Variants in COL23A1 observed in about 807,000 individuals in gnomAD.
COL23A1 encodes collagen alpha-1(XXIII) chain.
COL23A1 carries 97 observed loss-of-function variants against 99.3 expected under a neutral mutation model. That is an observed-to-expected ratio of 0.98 (90% CI 0.83 to 1.16). The LOEUF is 1.16. Among genes scored for constraint, COL23A1 ranks in the 50% most tolerant of loss-of-function variants. The pLI is 0.00. For synonymous variants in COL23A1, 320 were observed against 308.2 expected (o/e 1.04, Z -0.40); for missense variants, 762 against 757.4 (o/e 1.01, Z -0.07).
At chr5:178,487,298 TTATTTA>T (rs1757689276) in intron 2 of COL23A1, among the ~76,000 whole-genome samples, 2 of 143,856 alleles carry the variant, frequency 1.4e-5, no homozygotes, top group African/African-American at 2.6e-5. Context: ...TTTTATTTAT[TTATTTA>T]TTTATTTATT....
intron 5 of COL23A1, among the ~76,000 whole-genome samples, chr5:178,277,211 A>G (rs987057277): frequency 6.6e-6 from 1 of 152,090 alleles, no homozygotes; most frequent in African/African-American, 2.4e-5. Context: ...AAAAAAAAAA[A>G]AAAAAAAGGT....
intron 2 of COL23A1, among the ~76,000 whole-genome samples, chr5:178,537,468 G>A (rs1268756513): frequency 6.6e-6 from 1 of 152,238 alleles, no homozygotes; most frequent in African/African-American, 2.4e-5. Flanking sequence ...ACCGAGGAGA[G>A]GAGAACAGTG....
chr5:178,498,643 T>G lies in COL23A1; in HGVS notation c.361+62039A>C, dbSNP rs142539184. 7.2e-3 allele frequency among the ~76,000 whole-genome samples: 1,089 copies of G among 152,250 alleles called. 5 individuals are homozygous for G. Among genetic ancestry groups the G allele is most frequent in the South Asian group, 0.026 (124 of 4,818 alleles). On this transcript the variant is annotated intron_variant, in intron 2 of 28. Coordinates refer to ENST00000390654, the MANE Select transcript of COL23A1 (RefSeq NM_173465.4). ...ACAATTGGAAATATTTTTAAAATAT[T>G]TTTAAGTCCGAATAAATCAATAAAT...
intron 2 of COL23A1, among the ~76,000 whole-genome samples, chr5:178,511,273 C>T (rs1014867427): frequency 2.0e-5 from 3 of 152,146 alleles, no homozygotes; most frequent in Admixed American, 6.6e-5. Flanking sequence ...TTCATAATTC[C>T]AGTATATGGG....
At chr5:178,581,138 T>C (rs1400096536) in intron 1 of COL23A1, among the ~76,000 whole-genome samples, 1 of 152,230 alleles carries the variant, frequency 6.6e-6, no homozygotes, top group Admixed American at 6.5e-5. Context: ...CCAACTGAAA[T>C]TAAAAATTCA....
At chr5:178,243,784 C>T (rs1030382179) in intron 25 of COL23A1, among the ~76,000 whole-genome samples, 5 of 152,188 alleles carry the variant, frequency 3.3e-5, no homozygotes, top group African/African-American at 7.2e-5. Context: ...CCCTGAGAAC[C>T]AGGCCTCCTG....
chr5:178,573,647 A>G (rs769370033), intron 1 of COL23A1, among the ~76,000 whole-genome samples: 1 of 152,238 alleles, frequency 6.6e-6, no homozygotes, highest in Admixed American at 6.5e-5. Flanking sequence ...TGTAGAAAAT[A>G]TTCACAGCAG....
intron 2 of COL23A1, among the ~76,000 whole-genome samples, chr5:178,520,284 G>A (rs568512431): frequency 3.2e-4 from 48 of 152,324 alleles, no homozygotes; most frequent in African/African-American, 1.2e-3. Context: ...TGCCAGAGCA[G>A]AGGCTCGGTG....
At chr5:178,472,563 A>G (rs1018249966) in intron 2 of COL23A1, among the ~76,000 whole-genome samples, 4 of 128,152 alleles carry the variant, frequency 3.1e-5, no homozygotes, top group Middle Eastern at 3.9e-3. Context: ...TATTAATAAT[A>G]TTAGCAACGG....
intron 25 of COL23A1, among the ~76,000 whole-genome samples, chr5:178,243,402 G>A (rs541985449): frequency 9.3e-5 from 14 of 149,904 alleles, no homozygotes; most frequent in South Asian, 4.2e-4. Context: ...CAGGAGAATC[G>A]CTTGAACCCG....
chr5:178,425,364 GT>G (rs1353200374), intron 2 of COL23A1, among the ~76,000 whole-genome samples: 1 of 151,996 alleles, frequency 6.6e-6, no homozygotes, highest in Non-Finnish European at 1.5e-5. Context: ...GGAGGTTGCA[GT>G]GAGCCGAGAT....
rs200567150 is a variant in COL23A1, at chr5:178,403,108, C to CAAAAAAAAAAAAAAAAAAAAAAAA, written c.362-96190_362-96189insTTTTTTTTTTTTTTTTTTTTTTTT. 6.9e-4 allele frequency among the ~76,000 whole-genome samples: 32 copies of CAAAAAAAAAAAAAAAAAAAAAAAA among 46,660 alleles called. 3 individuals carry two copies. Among genetic ancestry groups the CAAAAAAAAAAAAAAAAAAAAAAAA allele is most frequent in the Admixed American group, 1.6e-3 (5 of 3,086 alleles). The allele number at this position is 46,660 out of a possible 152,430, so 30.6% of individuals were successfully genotyped here. A position where few individuals can be genotyped will look rare whatever the true frequency, so the allele number is the denominator to read the frequency against. The stretch of plus-strand genomic sequence containing the variant: ...TGGGCAACAGAGAGAGACTCCATCT[C>CAAAAAAAAAAAAAAAAAAAAAAAA]AAAAAAAAAAAAAATAAATAAATAA... On this transcript the variant is annotated intron_variant, in intron 2 of 28. Coordinates refer to ENST00000390654, the MANE Select transcript of COL23A1 (RefSeq NM_173465.4).
intron 2 of COL23A1, among the ~76,000 whole-genome samples, chr5:178,442,042 C>T (rs1158715787): frequency 2.6e-5 from 4 of 152,146 alleles, no homozygotes; most frequent in Admixed American, 6.5e-5. Context: ...TCCCCACCCA[C>T]GGGCCTGGCC....
intron 1 of COL23A1, 133 bp from the exon 2 acceptor site, chr5:178,560,881 ATC>A: frequency 1.3e-6 from 1 of 796,326 alleles, no homozygotes. Context: ...CTGTGAGACC[ATC>A]TCTCAAAAGA....
Position 178,246,250 on chromosome 5 carries a change from T to C in COL23A1, c.1413+4A>G. ...GGAGAGGGAGTTCCGAATGAGGCGG[T>C]TACCTTCTCTCCTTTGGTTCCTGGC... On this transcript the variant is annotated splice_donor_region_variant and intron_variant, in intron 24 of 28. Transcript: ENST00000390654. 1.3e-6 allele frequency: 2 copies of C among 1,553,358 alleles called. No individual in the cohort carries two copies. The highest frequency in any genetic ancestry group is 8.7e-7 in the Non-Finnish European group (1 of 1,147,736).
intron 2 of COL23A1, among the ~76,000 whole-genome samples, chr5:178,555,251 CCAAA>C (rs1222030864): frequency 5.3e-5 from 8 of 152,150 alleles, no homozygotes; most frequent in Non-Finnish European, 1.5e-5. Context: ...ATTGTTATCT[CCAAA>C]CACAGTCCCA....
At chr5:178,437,751 T>C (rs1425189895) in intron 2 of COL23A1, among the ~76,000 whole-genome samples, 1 of 152,154 alleles carries the variant, frequency 6.6e-6, no homozygotes, top group East Asian at 1.9e-4. Context: ...TACGTCTCCA[T>C]CAGTCCCAGG....
chr5:178,307,283 G>C lies in COL23A1; in HGVS notation c.362-364C>G, dbSNP rs1306950688. Among the ~76,000 whole-genome samples the C allele has an allele frequency of 6.6e-6, 1 of 152,234 alleles. No individual in the cohort carries two copies. The highest frequency in any genetic ancestry group is 1.5e-5 in the Non-Finnish European group (1 of 68,046). On this transcript the variant is annotated intron_variant, in intron 2 of 28. Coordinates refer to ENST00000390654, the MANE Select transcript of COL23A1 (RefSeq NM_173465.4). The surrounding 1 kb of genome is among the most constrained non-coding windows in gnomAD (Gnocchi z 4.2). Reference sequence around the variant, plus strand: ...CAGCTGAGAAACTTCAGACTTAGGAGGAAAGTAAGGGTGGGTTATCTTAGG... The same window carrying C: ...CAGCTGAGAAACTTCAGACTTAGGACGAAAGTAAGGGTGGGTTATCTTAGG...
intron 2 of COL23A1, among the ~76,000 whole-genome samples, chr5:178,459,441 T>C (rs1467574974): frequency 6.6e-6 from 1 of 152,164 alleles, no homozygotes; most frequent in Non-Finnish European, 1.5e-5. Context: ...TCATTCTACT[T>C]TCGTACAGTG....
Sources: allele counts gnomAD v4.1 joint callset (sites outside exome capture counted in the v4.1 genomes callset), GRCh38; gene constraint gnomAD v4.1.1; non-coding constraint Gnocchi (gnomAD v3.1); transcripts MANE v1.5; gene names NCBI Gene and HGNC (gene_info 2026-07-23, HGNC 2026-07-21).